Variants in ATRNL1 observed in about 807,000 individuals in gnomAD.
ATRNL1 encodes the protein attractin like 1, also known as attractin-like protein 1.
Under a neutral mutation model 182.7 loss-of-function variants are expected in ATRNL1, and 95 were observed. That is an observed-to-expected ratio of 0.52 (90% CI 0.44 to 0.62). ATRNL1 has a LOEUF of 0.62. Among genes scored for constraint, ATRNL1 ranks in the 20% least tolerant of loss-of-function variants. The pLI is 0.00. For synonymous variants in ATRNL1, 576 were observed against 568.3 expected, an observed-to-expected ratio of 1.01 and a Z score of -0.19; for missense variants, 1,471 against 1,679.5, an observed-to-expected ratio of 0.88 and a Z score of 2.17.
In ATRNL1 at chr10:115,602,687, C is replaced by T. The variant is rs536165432; in HGVS notation, c.3795+53151C>T. Among the ~76,000 whole-genome samples the T allele has an allele frequency of 9.9e-5, 15 of 152,136 alleles. No homozygotes were observed. In the East Asian group the frequency reaches 2.9e-3, roughly 30 times the overall value. ...GACCATCCTGGCTAACACGGTGAAA[C>T]CCCGTCTCTACTAAATATACAAAAA... On this transcript the variant is annotated intron_variant, in intron 26 of 28. Transcript: ENST00000355044.
rs576912572 is a variant in ATRNL1 at position 115,525,546 on chromosome 10, G to C, written c.3716+6222G>C. Reference sequence around the variant, plus strand: ...TCATAACAGCCTTAATGCATAGTTTGTCCTCTGAGTCCTCCCATGGAACAC... The same window carrying C: ...TCATAACAGCCTTAATGCATAGTTTCTCCTCTGAGTCCTCCCATGGAACAC... On this transcript the variant is annotated intron_variant, in intron 25 of 28. Coordinates refer to ENST00000355044, the MANE Select transcript of ATRNL1 (RefSeq NM_207303.4). 3.9e-5 allele frequency among the ~76,000 whole-genome samples: 6 copies of C among 152,252 alleles called. No individual in the cohort carries two copies. In the East Asian group the frequency reaches 1.2e-3, roughly 29 times the overall value.
chr10:115,442,783 A>G (rs1023514721), intron 21 of ATRNL1, among the ~76,000 whole-genome samples: 1 of 152,084 alleles, frequency 6.6e-6, no homozygotes, highest in Non-Finnish European at 1.5e-5. Context: ...CTCTTCTATT[A>G]ATAGAATGCA....
At chr10:115,556,272 C>T (rs1554996991) in intron 26 of ATRNL1, among the ~76,000 whole-genome samples, 2 of 152,024 alleles carry the variant, frequency 1.3e-5, no homozygotes, top group African/African-American at 2.4e-5. Flanking sequence ...TGAAAGAGCT[C>T]TTATATGATT....
chr10:115,700,689 A>G (rs913236836), intron 26 of ATRNL1, among the ~76,000 whole-genome samples: 8 of 152,060 alleles, frequency 5.3e-5, no homozygotes, highest in Non-Finnish European at 1.0e-4. Context: ...TTAAACCAAT[A>G]ACAGTAAAGA....
At chr10:115,307,254 G>T (rs1853779854) in intron 17 of ATRNL1, among the ~76,000 whole-genome samples, 1 of 151,834 alleles carries the variant, frequency 6.6e-6, no homozygotes, top group Non-Finnish European at 1.5e-5. Flanking sequence ...TATTTCACAG[G>T]GTTTTTTTGT....
chr10:115,604,823 C>A (rs1011164385), intron 26 of ATRNL1, among the ~76,000 whole-genome samples: 7 of 151,978 alleles, frequency 4.6e-5, no homozygotes, highest in African/African-American at 9.7e-5. Context: ...TTATTTATGG[C>A]GGGAGGTTAA....
At chr10:115,750,231 T>A (rs983199922) in intron 27 of ATRNL1, among the ~76,000 whole-genome samples, 1 of 151,936 alleles carries the variant, frequency 6.6e-6, no homozygotes, top group Non-Finnish European at 1.5e-5. Flanking sequence ...GTTAATAGAA[T>A]GTTTGCCAAC....
intron 27 of ATRNL1, among the ~76,000 whole-genome samples, chr10:115,816,478 A>G (rs2134270185): frequency 6.6e-6 from 1 of 152,300 alleles, no homozygotes; most frequent in Middle Eastern, 3.4e-3. Context: ...TTAGTAATGT[A>G]TATATAGCTA....
chr10:115,482,458 C>G (rs567384041), intron 24 of ATRNL1, among the ~76,000 whole-genome samples: 6 of 150,656 alleles, frequency 4.0e-5, no homozygotes, highest in African/African-American at 1.2e-4. Flanking sequence ...TGTAATTTGA[C>G]GAGAATAAAA....
chr10:115,411,681 A>G (rs782721294), intron 20 of ATRNL1, among the ~76,000 whole-genome samples: 2 of 152,124 alleles, frequency 1.3e-5, no homozygotes, highest in South Asian at 2.1e-4. Context: ...CAGAAATATT[A>G]ACATGATTTA....
Position 115,228,140 on chromosome 10 carries a change from G to A in ATRNL1, c.1532+12260G>A, listed in dbSNP as rs538143846. Among the ~76,000 whole-genome samples the A allele has an allele frequency of 9.2e-5, 14 of 152,202 alleles. No homozygotes were observed. In the East Asian group the frequency reaches 2.7e-3, roughly 29 times the overall value. ...ATTATGATAATTTGACATACCAAAA[G>A]AGGGTCAATTTTTTATGTAAAGTTA... On this transcript the variant is annotated intron_variant, in intron 9 of 28. Coordinates refer to ENST00000355044, the MANE Select transcript of ATRNL1 (RefSeq NM_207303.4).
chr10:115,555,148 G>T (rs1853238062), intron 26 of ATRNL1, among the ~76,000 whole-genome samples: 1 of 151,634 alleles, frequency 6.6e-6, no homozygotes, highest in South Asian at 2.1e-4. Context: ...TGCTCACCCT[G>T]GAGCTCAGGG....
At chr10:115,482,889 A>C (rs1412999075) in intron 24 of ATRNL1, among the ~76,000 whole-genome samples, 4 of 151,274 alleles carry the variant, frequency 2.6e-5, no homozygotes, top group Non-Finnish European at 5.9e-5. Context: ...TAGATATTGA[A>C]TAATTCGTTT....
At chr10:115,840,005 G>A (rs782007542) in intron 27 of ATRNL1, among the ~76,000 whole-genome samples, 69 of 152,152 alleles carry the variant, frequency 4.5e-4, no homozygotes, top group Non-Finnish European at 8.7e-4. Context: ...GATTTACCTT[G>A]TGCACAATTT....
At chr10:115,879,746 A>G (rs1555108119) in intron 28 of ATRNL1, among the ~76,000 whole-genome samples, 1 of 152,204 alleles carries the variant, frequency 6.6e-6, no homozygotes, top group African/African-American at 2.4e-5. Flanking sequence ...AGGGAATACT[A>G]GAGATTCTGG....
At chr10:115,165,515 A>G (rs782689698) in intron 6 of ATRNL1, 43 bp from the exon 7 acceptor site, 1 of 1,202,810 alleles carries the variant, frequency 8.3e-7, no homozygotes, top group Non-Finnish European at 1.1e-6. Flanking sequence ...AAAAACAAAA[A>G]TGAATCTTAG....
chr10:115,126,950 A>G (rs1445112775), intron 3 of ATRNL1, among the ~76,000 whole-genome samples: 9 of 152,030 alleles, frequency 5.9e-5, no homozygotes, highest in African/African-American at 2.2e-4. Context: ...CCCCACCCCA[A>G]GTTTTTGTTT....
intron 20 of ATRNL1, among the ~76,000 whole-genome samples, chr10:115,417,318 A>G (rs1554961044): frequency 6.6e-6 from 1 of 152,178 alleles, no homozygotes; most frequent in African/African-American, 2.4e-5. Context: ...AGCCCTCTAC[A>G]GTTGAGTTCC....
chr10:115,360,671 A>T (rs1265951623), intron 19 of ATRNL1, among the ~76,000 whole-genome samples: 6 of 151,128 alleles, frequency 4.0e-5, no homozygotes, highest in South Asian at 2.1e-4. Flanking sequence ...TTAAAAAAAA[A>T]TTTATTTTAC....
Sources: allele counts gnomAD v4.1 joint callset (sites outside exome capture counted in the v4.1 genomes callset), GRCh38; gene constraint gnomAD v4.1.1; transcripts MANE v1.5; gene names NCBI Gene and HGNC (gene_info 2026-07-23, HGNC 2026-07-21).